The following POFUT3 variants were observed in gnomAD, a reference collection of about 807,000 sequenced individuals.
POFUT3 encodes protein O-fucosyltransferase 3, also known as GDP-fucose protein O-fucosyltransferase 3.
At chr8:33,318,982 T>A in the POFUT3 span, among the ~76,000 whole-genome samples, 97 of 41,136 alleles carry the variant, frequency 2.4e-3, 4 homozygotes, top group African/African-American at 0.014. Flanking sequence ...TATATTTATA[T>A]AATACATAAA....
At chr8:33,380,054 A>ATATATACAC in the POFUT3 span, among the ~76,000 whole-genome samples, 3 of 72,778 alleles carry the variant, frequency 4.1e-5, no homozygotes, top group South Asian at 4.5e-4. Context: ...TATATACACT[A>ATATATACAC]TATATATACA....
At chr8:33,426,559 A>G in the POFUT3 span, among the ~76,000 whole-genome samples, 1 of 152,184 alleles carries the variant, frequency 6.6e-6, no homozygotes, top group Admixed American at 6.5e-5. Context: ...TAACTAATCC[A>G]GTTTTTCTCA....
At chr8:33,415,873 G>A in the POFUT3 span, among the ~76,000 whole-genome samples, 156 of 152,214 alleles carry the variant, frequency 1.0e-3, 2 homozygotes, top group East Asian at 0.025. Flanking sequence ...TCAGCCTCCC[G>A]CTAGAAGCCA....
the POFUT3 span, among the ~76,000 whole-genome samples, chr8:33,446,439 A>G: frequency 2.8e-5 from 4 of 142,894 alleles, no homozygotes; most frequent in Non-Finnish European, 6.1e-5. Flanking sequence ...CCTGGGTGAC[A>G]AGGCAAGATC....
chr8:33,440,226 G>T, the POFUT3 span, among the ~76,000 whole-genome samples: 11 of 152,122 alleles, frequency 7.2e-5, no homozygotes, highest in Non-Finnish European at 1.5e-4. Flanking sequence ...GCCAGGCATG[G>T]TGGCATGCGC....
the POFUT3 span, among the ~76,000 whole-genome samples, chr8:33,444,390 G>C: frequency 6.6e-6 from 1 of 152,060 alleles, no homozygotes; most frequent in East Asian, 1.9e-4. Context: ...CAAGGAGGAC[G>C]GTAAGGGATA....
chr8:33,437,950 T>C, the POFUT3 span, among the ~76,000 whole-genome samples: 2 of 152,196 alleles, frequency 1.3e-5, no homozygotes, highest in African/African-American at 2.4e-5. Context: ...CCAAAATATA[T>C]AGTTATCAAT....
the POFUT3 span, among the ~76,000 whole-genome samples, chr8:33,353,746 C>T: frequency 6.6e-6 from 1 of 152,122 alleles, no homozygotes; most frequent in Admixed American, 6.6e-5. Context: ...GGCTCGGTGA[C>T]ATGCCCTCAG....
the POFUT3 span, among the ~76,000 whole-genome samples, chr8:33,405,283 A>G: frequency 6.6e-6 from 1 of 151,596 alleles, no homozygotes; most frequent in African/African-American, 2.4e-5. Flanking sequence ...ACAGAGCAAG[A>G]CTCCGTCTCA....
chr8:33,436,493 T>C, the POFUT3 span: 1 of 1,317,888 alleles, frequency 7.6e-7, no homozygotes. Context: ...TCATTCGTGC[T>C]GGCTTCCACA....
At chr8:33,357,997 A>C in the POFUT3 span, among the ~76,000 whole-genome samples, 1 of 152,340 alleles carries the variant, frequency 6.6e-6, no homozygotes, top group South Asian at 2.1e-4. Context: ...CTGTAATCCC[A>C]ACACATTGGG....
At chr8:33,411,174 C>T in the POFUT3 span, among the ~76,000 whole-genome samples, 771 of 152,142 alleles carry the variant, frequency 5.1e-3, 3 homozygotes, top group Non-Finnish European at 7.6e-3. Flanking sequence ...TGGTGAATGA[C>T]GTTATGAGAA....
At chr8:33,427,515 G>A in the POFUT3 span, among the ~76,000 whole-genome samples, 1 of 151,992 alleles carries the variant, frequency 6.6e-6, no homozygotes, top group Non-Finnish European at 1.5e-5. Flanking sequence ...GGAGGCAGAG[G>A]TTGCGGTGAG....
At chr8:33,320,176 TTGA>T in the POFUT3 span, among the ~76,000 whole-genome samples, 1 of 152,010 alleles carries the variant, frequency 6.6e-6, no homozygotes, top group Non-Finnish European at 1.5e-5. Flanking sequence ...GATGATTTGA[TTGA>T]TGCTTTGATT....
chr8:33,411,473 T>A, the POFUT3 span, among the ~76,000 whole-genome samples: 46,785 of 152,126 alleles, frequency 0.31, 7,341 homozygotes, highest in South Asian at 0.44. Context: ...GAATTTTTTT[T>A]AAAATCTTCA....
the POFUT3 span, among the ~76,000 whole-genome samples, chr8:33,367,184 G>T: frequency 6.6e-6 from 1 of 152,324 alleles, no homozygotes; most frequent in East Asian, 1.9e-4. Flanking sequence ...GCAGCACTGT[G>T]ACATGTTCAT....
chr8:33,340,060 G>T, the POFUT3 span, among the ~76,000 whole-genome samples: 1 of 152,050 alleles, frequency 6.6e-6, no homozygotes, highest in Non-Finnish European at 1.5e-5. Context: ...AATGTATGTT[G>T]AGGAAATATT....
At chr8:33,400,860 T>C in the POFUT3 span, among the ~76,000 whole-genome samples, 3 of 152,208 alleles carry the variant, frequency 2.0e-5, no homozygotes, top group African/African-American at 7.2e-5. Flanking sequence ...ACCTCTGAGA[T>C]TTGCCTCCAA....
chr8:33,447,246 G>A, the POFUT3 span, among the ~76,000 whole-genome samples: 1,629 of 152,154 alleles, frequency 0.011, 31 homozygotes, highest in African/African-American at 0.037. Flanking sequence ...TCAGGAGATC[G>A]AGACCATCCT....
Sources: gnomAD v4.1 joint callset for allele counts (sites outside exome capture counted in the v4.1 genomes callset) on GRCh38, gnomAD v4.1.1 for gene constraint, MANE v1.5 for transcripts, NCBI Gene and HGNC (gene_info 2026-07-23, HGNC 2026-07-21) for gene names.